The following USP32 variants were observed in gnomAD, a reference collection of about 807,000 sequenced individuals.
USP32 encodes the protein ubiquitin carboxyl-terminal hydrolase 32.
A neutral mutation model predicts 204.8 loss-of-function variants in USP32; 59 were observed. The observed-to-expected ratio is 0.29, with a 90% CI of 0.23 to 0.36. The LOEUF (loss-of-function observed/expected upper bound fraction) is 0.36, where lower values mean the gene tolerates loss of function less well. USP32 is among the 10% of genes least tolerant of loss of function. The probability of loss-of-function intolerance (pLI) is 1.00; values close to 1 mark genes in which losing one functional copy is unlikely to be tolerated. For missense variants in USP32, 1,160 were observed against 1,946.4 expected (o/e 0.60, Z 7.60); for synonymous variants, 517 against 678.4 (o/e 0.76, Z 3.70).
At chr17:60,389,102 ATG>A (rs1321904574) in intron 1 of USP32, among the ~76,000 whole-genome samples, 2 of 152,192 alleles carry the variant, frequency 1.3e-5, no homozygotes, top group Admixed American at 6.5e-5. Flanking sequence ...CACTGGACTA[ATG>A]TGTGTTTGTC....
intron 17 of USP32, among the ~76,000 whole-genome samples, chr17:60,214,134 G>A (rs1567772569): frequency 6.6e-6 from 1 of 152,006 alleles, no homozygotes; most frequent in Non-Finnish European, 1.5e-5. Context: ...TAGAGACAGG[G>A]TTTCACCACG....
At chr17:60,271,987 A>C (rs1270283165) in intron 5 of USP32, among the ~76,000 whole-genome samples, 1 of 151,938 alleles carries the variant, frequency 6.6e-6, no homozygotes, top group Non-Finnish European at 1.5e-5. Flanking sequence ...AATTTTTTAA[A>C]AACTTTTTGC....
intron 2 of USP32, among the ~76,000 whole-genome samples, chr17:60,317,501 G>C (rs1448258101): frequency 1.4e-5 from 2 of 146,782 alleles, no homozygotes; most frequent in Non-Finnish European, 1.5e-5. Flanking sequence ...GGGTGACAGA[G>C]TGAGACCCTG....
intron 7 of USP32, among the ~76,000 whole-genome samples, chr17:60,267,964 C>G (rs1040744124): frequency 1.3e-5 from 2 of 152,112 alleles, no homozygotes; most frequent in African/African-American, 4.8e-5. Context: ...ATGCCTGCCA[C>G]TGCACCCAGT....
chr17:60,250,854 G>A (rs1294790201), intron 11 of USP32, among the ~76,000 whole-genome samples: 2 of 151,422 alleles, frequency 1.3e-5, no homozygotes, highest in Non-Finnish European at 2.9e-5. Flanking sequence ...TTTTATGAAA[G>A]CAACATTTAA....
intron 13 of USP32, among the ~76,000 whole-genome samples, chr17:60,224,398 A>G (rs147522112): frequency 1.3e-5 from 2 of 152,364 alleles, no homozygotes; most frequent in East Asian, 3.8e-4. Context: ...GGAGGGAAGA[A>G]GCAGATTCTA....
At position 60,319,836 on chromosome 17, in the gene USP32, G is replaced by A. The variant is rs139470955; in HGVS notation, c.187-18132C>T. Among the ~76,000 whole-genome samples, 67 of 152,118 alleles carry A rather than the reference G, an allele frequency of 4.4e-4. 2 individuals carry two copies. In the East Asian group the frequency reaches 0.011, roughly 24 times the overall value. ...AAAATACACTATAACAACTATTCAC[G>A]TAGTATTTACATTGCAATAGGTATT... On this transcript the variant is annotated intron_variant, in intron 2 of 33. Transcript: ENST00000300896.
At position 60,284,121 on chromosome 17, in the gene USP32, AAAC is replaced by A. The variant is rs575840979; in HGVS notation, c.571+4399_571+4401del. On this transcript the variant is annotated intron_variant, in intron 5 of 33. Coordinates refer to ENST00000300896, the MANE Select transcript of USP32 (RefSeq NM_032582.4). Reference sequence around the variant, plus strand: ...TAGGAGGTACATGAAACTAAAAAGAAAACAATCATTAGGAATTAGAAGGTCATT... The same window carrying A: ...TAGGAGGTACATGAAACTAAAAAGAAAATCATTAGGAATTAGAAGGTCATT... Among the ~76,000 whole-genome samples the A allele has an allele frequency of 7.3e-4, 111 of 152,182 alleles. 1 individual carries two copies. The highest frequency in any genetic ancestry group is 1.0e-3 in the Non-Finnish European group (70 of 68,020).
At chr17:60,421,982 T>A in intron 1 of USP32, 1 of 980,180 alleles carries the variant, frequency 1.0e-6, no homozygotes, top group East Asian at 1.1e-4. Flanking sequence ...GGGATCTTTA[T>A]ACACCCCCAA....
At chr17:60,293,006 G>A (rs537966241) in intron 4 of USP32, among the ~76,000 whole-genome samples, 18 of 152,092 alleles carry the variant, frequency 1.2e-4, no homozygotes, top group Admixed American at 1.0e-3. Flanking sequence ...ATATTCTCTT[G>A]ATGAAAAGTG....
intron 1 of USP32, among the ~76,000 whole-genome samples, chr17:60,350,491 G>A (rs780249211): frequency 1.1e-4 from 16 of 152,178 alleles, no homozygotes; most frequent in Non-Finnish European, 2.4e-4. Context: ...GTTTCACCAC[G>A]TTGGCCAGGC....
Position 60,181,482 on chromosome 17 carries a change from G to T in USP32, c.4390C>A (p.His1464Asn). 1 of 1,614,008 alleles carries T rather than the reference G, an allele frequency of 6.2e-7. No individual in the cohort carries two copies. The highest frequency in any genetic ancestry group is 8.5e-7 in the Non-Finnish European group (1 of 1,179,874). Residue 1464 changes from histidine to asparagine, a missense_variant, in exon 32 of 34, where the codon CAT becomes AAT. His to Asn is a moderately conservative substitution (Grantham distance 68, BLOSUM62 1). This residue lies in a region of USP32 where 244 missense variants were observed against 342.3 expected (regional missense o/e 0.71). Transcript: ENST00000300896. ...AATCCATTGGCCAAAGCTACCTCAT[G>T]GTCCTGAGGAGTGACCAACTCTGGT... is the stretch of plus-strand genomic sequence containing the variant. Reference protein sequence around the residue: ...SQPELVTPQDHEVALANGFLY... With the variant: ...SQPELVTPQDNEVALANGFLY...
chr17:60,266,027 C>T lies in USP32; in HGVS notation c.876G>A (p.Met292Ile), dbSNP rs765988392. 6.2e-7 allele frequency: 1 copy of T among 1,614,048 alleles called. No homozygotes were observed. The highest frequency in any genetic ancestry group is 8.5e-7 in the Non-Finnish European group (1 of 1,179,972). ...TCCAGACTTCTAAAAGTGCAACCAC[C>T]ATGTCTCTCAGTTCAACCCTGGAGA... is the stretch of plus-strand genomic sequence containing the variant. ...GVLSRVELRD[M>I]VVALLEVWKD... The change falls in exon 8 of 34, where the codon ATG becomes ATA. Residue 292 changes from methionine to isoleucine, a missense_variant. Met to Ile is a conservative substitution (Grantham distance 10). Around this residue, in one of 8 missense-constraint regions of USP32, gnomAD observed 536 missense variants for 680.9 expected, o/e 0.79. Coordinates refer to ENST00000300896, the MANE Select transcript of USP32 (RefSeq NM_032582.4).
intron 2 of USP32, chr17:60,304,966 G>C (rs1232918098): frequency 6.6e-6 from 1 of 152,148 alleles, no homozygotes; most frequent in Non-Finnish European, 1.5e-5. Context: ...TTAGGGCTGG[G>C]GGAAACCAGA....
intron 14 of USP32, 111 bp from the exon 15 acceptor site, chr17:60,222,660 G>T (rs2145570838): frequency 3.5e-4 from 283 of 799,168 alleles, no homozygotes; most frequent in South Asian, 8.0e-4. Flanking sequence ...CCAGTTTCAT[G>T]TTGCTGGAAA....
chr17:60,279,705 T>C (rs911619978), intron 5 of USP32, among the ~76,000 whole-genome samples: 1 of 150,948 alleles, frequency 6.6e-6, no homozygotes, highest in East Asian at 2.0e-4. Context: ...GGCCTGGTGG[T>C]GTGCGCCTGT....
intron 1 of USP32, among the ~76,000 whole-genome samples, chr17:60,367,113 C>T (rs990303645): frequency 3.3e-5 from 5 of 152,212 alleles, no homozygotes; most frequent in Non-Finnish European, 5.9e-5. Flanking sequence ...AGGCGTGAGC[C>T]ACCGCGCCTA....
chr17:60,306,974 C>T (rs919999237), intron 2 of USP32, among the ~76,000 whole-genome samples: 4 of 151,854 alleles, frequency 2.6e-5, no homozygotes, highest in African/African-American at 9.7e-5. Flanking sequence ...TCAGTTTAGC[C>T]AGAGATGTGA....
At chr17:60,265,515 T>A in intron 8 of USP32, 41 bp from the exon 9 acceptor site, 1 of 1,324,882 alleles carries the variant, frequency 7.5e-7, no homozygotes, top group Non-Finnish European at 1.1e-6. Context: ...AAACAGTGAA[T>A]ATACTTTTAA....
Sources: allele counts gnomAD v4.1 joint callset (sites outside exome capture counted in the v4.1 genomes callset), GRCh38; gene constraint gnomAD v4.1.1; regional missense constraint gnomAD v4.1.1; transcripts MANE v1.5; gene names NCBI Gene and HGNC (gene_info 2026-07-23, HGNC 2026-07-21).